Variants in STX18 observed in about 807,000 individuals in gnomAD.
STX18 encodes the protein syntaxin 18, also known as syntaxin-18.
Under a neutral mutation model 50.1 loss-of-function variants are expected in STX18, and 40 were observed. The observed-to-expected ratio is 0.80, with a 90% CI of 0.62 to 1.04. STX18 has a LOEUF of 1.04. Ranked by LOEUF, STX18 falls within the 50% of genes least tolerant of loss-of-function variation. STX18 has a pLI of 0.00. For synonymous variants in STX18, 158 were observed against 151.8 expected (o/e 1.04, Z -0.30); for missense variants, 410 against 415.8 (o/e 0.99, Z 0.12).
At position 4,437,824 on chromosome 4, in the gene STX18, G is replaced by A. The variant is rs575409682; in HGVS notation, c.613+570C>T. ...AGACACACAGATCGCAGACATCCAT[G>A]ACCACACTGTGTATGTCCCCCTACA... On this transcript the variant is annotated intron_variant, in intron 6 of 10. Transcript: ENST00000306200. Among the ~76,000 whole-genome samples the A allele has an allele frequency of 3.3e-5, 5 of 152,322 alleles. No individual in the cohort carries two copies. In the South Asian group the frequency reaches 1.0e-3, roughly 32 times the overall value.
chr4:4,502,124 T>C (rs1013988229), intron 1 of STX18, among the ~76,000 whole-genome samples: 11 of 152,230 alleles, frequency 7.2e-5, no homozygotes, highest in Non-Finnish European at 1.2e-4. Flanking sequence ...CAAAGACCTC[T>C]ATTAGGTGTA....
chr4:4,426,970 A>C (rs1270830554), intron 7 of STX18, among the ~76,000 whole-genome samples: 1 of 152,120 alleles, frequency 6.6e-6, no homozygotes, highest in Non-Finnish European at 1.5e-5. Flanking sequence ...GCATCTTCCT[A>C]GCGATCTGAT....
chr4:4,434,697 T>C lies in STX18; in HGVS notation c.702+73A>G, dbSNP rs1362940336. ...AAAATAAGGGCAAGGGCATTGAGGA[T>C]GAGTTTCTCCTTAGTGAAACAGTCT... On this transcript the variant is annotated intron_variant, in intron 7 of 10. Coordinates refer to ENST00000306200, the MANE Select transcript of STX18 (RefSeq NM_016930.4). The C allele has an allele frequency of 5.6e-6, 7 of 1,240,560 alleles. No homozygotes were observed. The East Asian group carries it at 7.3e-5, about 13-fold the overall frequency. The allele number at this position is 1,240,560 out of a possible 1,614,324, so 76.8% of individuals were successfully genotyped here.
At chr4:4,524,053 G>C (rs913092982) in intron 1 of STX18, among the ~76,000 whole-genome samples, 23 of 151,978 alleles carry the variant, frequency 1.5e-4, no homozygotes, top group African/African-American at 5.3e-4. Context: ...TTTTTCCCTA[G>C]ATTATGTGTT....
At chr4:4,438,278 T>C in intron 6 of STX18, 116 bp downstream of exon 6, 2 of 798,964 alleles carry the variant, frequency 2.5e-6, no homozygotes, top group Non-Finnish European at 4.1e-6. Context: ...CTTTGCTTTA[T>C]GCAAATACAA....
chr4:4,471,320 T>C (rs1398558869), intron 2 of STX18, among the ~76,000 whole-genome samples: 2 of 152,170 alleles, frequency 1.3e-5, no homozygotes, highest in East Asian at 3.8e-4. Context: ...CTTCCACAGG[T>C]TGAGGGCATA....
chr4:4,537,954 G>A (rs1279204216), intron 1 of STX18, among the ~76,000 whole-genome samples: 1 of 152,170 alleles, frequency 6.6e-6, no homozygotes, highest in African/African-American at 2.4e-5. Flanking sequence ...CAGAGGGAGA[G>A]CAGCATTAAA....
intron 1 of STX18, among the ~76,000 whole-genome samples, chr4:4,492,963 AT>A: frequency 6.6e-6 from 1 of 152,148 alleles, no homozygotes; most frequent in Non-Finnish European, 1.5e-5. Context: ...ATGGCTTCAG[AT>A]TTTTCTCTGC....
intron 9 of STX18, among the ~76,000 whole-genome samples, chr4:4,422,753 T>C (rs1184892084): frequency 6.6e-6 from 1 of 152,212 alleles, no homozygotes; most frequent in African/African-American, 2.4e-5. Context: ...AAACCACTGT[T>C]AGACTTAATG....
intron 1 of STX18, among the ~76,000 whole-genome samples, chr4:4,486,640 A>C (rs1365653144): frequency 6.6e-6 from 1 of 152,212 alleles, no homozygotes; most frequent in Non-Finnish European, 1.5e-5. Context: ...TTGAGGACTC[A>C]TTAGGAAGTG....
rs754900100 is a variant in STX18, at chr4:4,420,881, T to A, written c.895A>T (p.Asn299Tyr). ...VGATENIKEGNEDIREAIKNN... is the reference protein window; with the variant it reads ...VGATENIKEGYEDIREAIKNN... ...GTGCCTACCTCTCTTATGTCTTCGTTGCCTTCCTTGATATTTTCAGTTGCC... is the reference window on the plus strand; with the variant it reads ...GTGCCTACCTCTCTTATGTCTTCGTAGCCTTCCTTGATATTTTCAGTTGCC... Residue 299 changes from asparagine (N) to tyrosine (Y), a missense_variant, in exon 10 of 11, where the codon AAC becomes TAC. Physicochemically the swap from Asn to Tyr is moderately radical, Grantham distance 143 (BLOSUM62 -2). Coordinates refer to ENST00000306200, the MANE Select transcript of STX18 (RefSeq NM_016930.4). This position sits in a 1 kb window ranked among gnomAD's most constrained non-coding sequence, Gnocchi z 4.3. 20 of 1,614,066 alleles carry A rather than the reference T, an allele frequency of 1.2e-5. No individual in the cohort carries two copies. The highest frequency in any genetic ancestry group is 3.3e-5 in the Admixed American group (2 of 60,010).
chr4:4,455,980 A>G (rs1727044725), intron 5 of STX18, among the ~76,000 whole-genome samples: 1 of 152,112 alleles, frequency 6.6e-6, no homozygotes, highest in Non-Finnish European at 1.5e-5. Flanking sequence ...GACCCCTGAC[A>G]CAGTAAGAAT....
intron 1 of STX18, among the ~76,000 whole-genome samples, chr4:4,473,776 T>C (rs1475880839): frequency 6.6e-6 from 1 of 152,116 alleles, no homozygotes; most frequent in African/African-American, 2.4e-5. Flanking sequence ...CCAGGGGCCA[T>C]GTGAACAGCA....
intron 5 of STX18, among the ~76,000 whole-genome samples, chr4:4,441,708 A>G (rs533470795): frequency 5.9e-5 from 9 of 152,304 alleles, no homozygotes; most frequent in East Asian, 1.9e-4. Context: ...TGTGATCCCA[A>G]TAAAAAAACA....
At chr4:4,421,358 C>T (rs1327040155) in intron 9 of STX18, among the ~76,000 whole-genome samples, 1 of 151,990 alleles carries the variant, frequency 6.6e-6, no homozygotes, top group African/African-American at 2.4e-5. Context: ...TTAAACGATC[C>T]TCCCACTTCA....
chr4:4,514,499 ACTC>A (rs1230654013), intron 1 of STX18, among the ~76,000 whole-genome samples: 1 of 152,108 alleles, frequency 6.6e-6, no homozygotes, highest in African/African-American at 2.4e-5. Flanking sequence ...AAAATTCTTC[ACTC>A]CTACCTTTCA....
intron 1 of STX18, among the ~76,000 whole-genome samples, chr4:4,484,053 G>A (rs897976240): frequency 7.2e-5 from 11 of 152,046 alleles, no homozygotes; most frequent in Non-Finnish European, 1.3e-4. Context: ...TAGTAGAGAT[G>A]GGGTTTCACC....
intron 6 of STX18, among the ~76,000 whole-genome samples, chr4:4,437,984 T>G (rs1286733373): frequency 6.6e-6 from 1 of 152,238 alleles, no homozygotes; most frequent in African/African-American, 2.4e-5. Flanking sequence ...TCCTGTTGGT[T>G]TGACTGGCTG....
chr4:4,441,009 C>T (rs1434099939), intron 5 of STX18, among the ~76,000 whole-genome samples: 1 of 152,176 alleles, frequency 6.6e-6, no homozygotes, highest in African/African-American at 2.4e-5. Flanking sequence ...AAGGAGGCCA[C>T]ACACATGGCT....
Sources: allele counts gnomAD v4.1 joint callset (sites outside exome capture counted in the v4.1 genomes callset), GRCh38; gene constraint gnomAD v4.1.1; non-coding constraint Gnocchi (gnomAD v3.1); transcripts MANE v1.5; gene names NCBI Gene and HGNC (gene_info 2026-07-23, HGNC 2026-07-21).